Variants in SLC7A14 observed in about 807,000 individuals in gnomAD.
SLC7A14 encodes the protein solute carrier family 7 member 14, also known as gamma-aminobutyric acid transporter SLC7A14.
A neutral mutation model predicts 60.2 loss-of-function variants in SLC7A14; 37 were observed. That is an observed-to-expected ratio of 0.61 (90% CI 0.47 to 0.81). The LOEUF is 0.81. Ranked by LOEUF, SLC7A14 falls within the 30% of genes least tolerant of loss-of-function variation. SLC7A14 has a pLI of 0.00. For synonymous variants in SLC7A14, 399 were observed against 395.8 expected (o/e 1.01, Z -0.10); for missense variants, 886 against 982.7 (o/e 0.90, Z 1.32).
intron 6 of SLC7A14, among the ~76,000 whole-genome samples, chr3:170,482,018 T>A (rs1412514562): frequency 6.6e-6 from 1 of 152,246 alleles, no homozygotes; most frequent in Non-Finnish European, 1.5e-5. Flanking sequence ...TTCTGATTTA[T>A]GCCAAAGCTT....
Position 170,474,374 on chromosome 3 carries a change from C to T in SLC7A14, c.1993+5915G>A, listed in dbSNP as rs139418335. ...TGCAAAGCCCTGTGAGTGCTCCGCCCGCTCTGCATCTGGCAGTGCACCTCT... is the reference window on the plus strand; with the variant it reads ...TGCAAAGCCCTGTGAGTGCTCCGCCTGCTCTGCATCTGGCAGTGCACCTCT... On this transcript the variant is annotated intron_variant, in intron 7 of 7. Coordinates refer to ENST00000231706, the MANE Select transcript of SLC7A14 (RefSeq NM_020949.3). Among the ~76,000 whole-genome samples the T allele has an allele frequency of 6.3e-4, 96 of 152,266 alleles. 1 individual carries two copies. The highest frequency in any genetic ancestry group is 2.2e-3 in the African/African-American group (93 of 41,556).
Position 170,527,068 on chromosome 3 carries a change from CCTT to C in SLC7A14, c.-135_-133del. Reference sequence around the variant, plus strand: ...AAAGGCCCAGAGGGACCCAGTGCAGCCTTCTCCTGGGCATGAATGTCTGCAGGA... The same window carrying C: ...AAAGGCCCAGAGGGACCCAGTGCAGCCTCCTGGGCATGAATGTCTGCAGGA... On this transcript the variant is annotated 5_prime_UTR_variant, in exon 2 of 8. Transcript: ENST00000231706. 2 of 936,030 alleles carry C rather than the reference CCTT, an allele frequency of 2.1e-6. No homozygotes were observed. The highest frequency in any genetic ancestry group is 3.1e-6 in the Non-Finnish European group (2 of 642,252). 58.0% of individuals were successfully genotyped at this position (936,030 alleles called of 1,614,324 possible). A position where few individuals can be genotyped will look rare whatever the true frequency, so the allele number is the denominator to read the frequency against.
At chr3:170,496,270 G>T in intron 4 of SLC7A14, 1 of 966,398 alleles carries the variant, frequency 1.0e-6, no homozygotes, top group Non-Finnish European at 1.7e-6. Context: ...GAGGCTGAGA[G>T]CATGTACCAG....
At chr3:170,545,020 G>A (rs1376628504) in intron 1 of SLC7A14, among the ~76,000 whole-genome samples, 1 of 152,226 alleles carries the variant, frequency 6.6e-6, no homozygotes, top group African/African-American at 2.4e-5. Context: ...TAGTGCAACT[G>A]AAGAACTGAA....
chr3:170,556,510 G>T (rs1427380137), intron 1 of SLC7A14, among the ~76,000 whole-genome samples: 1 of 152,046 alleles, frequency 6.6e-6, no homozygotes, highest in African/African-American at 2.4e-5. Context: ...TATGTGTAGG[G>T]CTCCTTGTAA....
intron 7 of SLC7A14, among the ~76,000 whole-genome samples, chr3:170,470,308 ATGTGTGTGTGTGTGTG>A (rs60682275): frequency 3.5e-5 from 5 of 143,698 alleles, no homozygotes; most frequent in East Asian, 2.1e-4. Context: ...TGGAAGGAAC[ATGTGTGTGTGTGTGTG>A]TGTGTGTGTG....
At chr3:170,536,498 G>A (rs1713847012) in intron 1 of SLC7A14, among the ~76,000 whole-genome samples, 2 of 152,208 alleles carry the variant, frequency 1.3e-5, no homozygotes, top group Admixed American at 6.5e-5. Context: ...GCATACAAAA[G>A]TTATTGGGAA....
chr3:170,514,371 G>T (rs569182059), intron 2 of SLC7A14, among the ~76,000 whole-genome samples: 1 of 152,162 alleles, frequency 6.6e-6, no homozygotes, highest in African/African-American at 2.4e-5. Context: ...CATGGCTGTC[G>T]GCAGGTACCA....
chr3:170,495,473 G>A (rs1712355549), intron 4 of SLC7A14, among the ~76,000 whole-genome samples: 2 of 152,190 alleles, frequency 1.3e-5, no homozygotes, highest in African/African-American at 2.4e-5. Context: ...AGTCCTACAA[G>A]GTGTCCACCT....
intron 1 of SLC7A14, among the ~76,000 whole-genome samples, chr3:170,555,034 G>A (rs1714450350): frequency 2.0e-5 from 3 of 151,992 alleles, no homozygotes; most frequent in Admixed American, 1.3e-4. Flanking sequence ...CGGGCATGGT[G>A]GTGCACACCT....
intron 1 of SLC7A14, among the ~76,000 whole-genome samples, chr3:170,584,431 T>A (rs1165575927): frequency 6.6e-6 from 1 of 152,132 alleles, no homozygotes; most frequent in African/African-American, 2.4e-5. Flanking sequence ...CGACAGGAAG[T>A]CTCACTGCTC....
chr3:170,581,901 A>G (rs1257129381), intron 1 of SLC7A14, among the ~76,000 whole-genome samples: 2 of 152,134 alleles, frequency 1.3e-5, no homozygotes, highest in African/African-American at 2.4e-5. Flanking sequence ...TTCCATGTCT[A>G]TCATACTATG....
At chr3:170,541,535 G>A (rs1238639777) in intron 1 of SLC7A14, among the ~76,000 whole-genome samples, 5 of 152,214 alleles carry the variant, frequency 3.3e-5, no homozygotes, top group Non-Finnish European at 7.3e-5. Context: ...GTTTGAGGCT[G>A]CAGTGAGCTG....
intron 7 of SLC7A14, among the ~76,000 whole-genome samples, chr3:170,470,588 C>T (rs1158205349): frequency 6.6e-6 from 1 of 152,076 alleles, no homozygotes; most frequent in Non-Finnish European, 1.5e-5. Flanking sequence ...CAAAGCCGTT[C>T]CCCTAGGGCT....
chr3:170,482,557 G>C (rs776404279), intron 6 of SLC7A14, among the ~76,000 whole-genome samples: 1 of 152,250 alleles, frequency 6.6e-6, no homozygotes, highest in Non-Finnish European at 1.5e-5. Context: ...TGGAAACAAA[G>C]GGCTGGGGCC....
chr3:170,551,500 C>T (rs1714351073), intron 1 of SLC7A14, among the ~76,000 whole-genome samples: 1 of 152,166 alleles, frequency 6.6e-6, no homozygotes, highest in Non-Finnish European at 1.5e-5. Context: ...GACAGCAGCA[C>T]CACTTTGCAT....
At chr3:170,541,946 A>T (rs1231889614) in intron 1 of SLC7A14, among the ~76,000 whole-genome samples, 1 of 152,222 alleles carries the variant, frequency 6.6e-6, no homozygotes, top group African/African-American at 2.4e-5. Context: ...GTTCCTGATC[A>T]TGCAGAAATA....
At chr3:170,516,419 T>C (rs1713160290) in intron 2 of SLC7A14, among the ~76,000 whole-genome samples, 2 of 151,898 alleles carry the variant, frequency 1.3e-5, no homozygotes, top group South Asian at 4.2e-4. Flanking sequence ...TTCTCTTTGG[T>C]GAGTTTTTAA....
At chr3:170,536,394 T>C (rs1302762534) in intron 1 of SLC7A14, among the ~76,000 whole-genome samples, 7 of 152,344 alleles carry the variant, frequency 4.6e-5, no homozygotes, top group Non-Finnish European at 1.0e-4. Flanking sequence ...AAGACTGATA[T>C]AGCAATATTT....
Sources: allele counts gnomAD v4.1 joint callset (sites outside exome capture counted in the v4.1 genomes callset), GRCh38; gene constraint gnomAD v4.1.1; transcripts MANE v1.5; gene names NCBI Gene and HGNC (gene_info 2026-07-23, HGNC 2026-07-21).